MFSD12: variants seen among roughly 807,000 people sequenced by gnomAD.
MFSD12 encodes major facilitator superfamily domain containing 12, also known as major facilitator superfamily domain-containing protein 12.
A neutral mutation model predicts 51.2 loss-of-function variants in MFSD12; 67 were observed. The ratio of observed to expected loss-of-function variants is 1.31; its 90% confidence interval spans 1.08 to 1.60. The LOEUF is 1.60. Ranked by LOEUF, MFSD12 falls within the 40% of genes most tolerant of loss-of-function variation. MFSD12 has a pLI of 0.00. For missense variants in MFSD12, 921 were observed against 673.0 expected (o/e 1.37, Z -4.08); for synonymous variants, 441 against 316.7 (o/e 1.39, Z -4.17).
chr19:3,540,716 C>T (rs1017957443), downstream of MFSD12, among the ~76,000 whole-genome samples: 1 of 150,310 alleles, frequency 6.7e-6, no homozygotes, highest in Non-Finnish European at 1.5e-5. Context: ...CCCGTCTCTA[C>T]TAAAAATACA....
rs534389063 is a variant in MFSD12 at position 3,548,477 on chromosome 19, G to C, written c.510-210C>G. ...TAACGCGGGAAAGCTGTGACCTGCA[G>C]CTCCACCCTTCGTGCCCAGGACCAG... is the stretch of plus-strand genomic sequence containing the variant. On this transcript the variant is annotated intron_variant, in intron 2 of 9. Transcript: ENST00000355415. Among the ~76,000 whole-genome samples, 323 of 152,326 alleles carry C rather than the reference G, an allele frequency of 2.1e-3. 2 individuals are homozygous for C. The highest frequency in any genetic ancestry group is 1.5e-3 in the Non-Finnish European group (101 of 68,028).
rs1221201468 is a variant in MFSD12 at position 3,544,857 on chromosome 19, C to A, written c.1372G>T (p.Ala458Ser). 6.2e-7 allele frequency: 1 copy of A among 1,612,002 alleles called. No homozygotes were observed. The highest frequency in any genetic ancestry group is 1.7e-5 in the Admixed American group (1 of 59,966). ...AVTGGVGVAAALCLCSLLLWP... is the reference protein window; with the variant it reads ...AVTGGVGVAASLCLCSLLLWP... Reference sequence around the variant, plus strand: ...AGCAGGAGGCTACAGAGACACAGGGCAGCGGCCACGCCCACGCCGCCCGTC... The same window carrying A: ...AGCAGGAGGCTACAGAGACACAGGGAAGCGGCCACGCCCACGCCGCCCGTC... Residue 458 changes from alanine to serine, a missense_variant, in exon 9 of 10, where the codon GCC (alanine) becomes TCC (serine). Physicochemically the swap from Ala to Ser is moderately conservative, Grantham distance 99. Coordinates refer to ENST00000355415, the MANE Select transcript of MFSD12 (RefSeq NM_174983.5).
intron 6 of MFSD12, among the ~76,000 whole-genome samples, chr19:3,546,676 G>T (rs554287294): frequency 6.6e-6 from 1 of 152,260 alleles, no homozygotes. Flanking sequence ...CAGTTACAAC[G>T]AAAGCAAACG....
chr19:3,538,519 T>C (rs542868569), exon 5 of MFSD12: 15 of 368,794 alleles, frequency 4.1e-5, no homozygotes, highest in East Asian at 3.7e-4. Context: ...GGACATTTCA[T>C]AGAAGTGGGA....
At chr19:3,549,030 G>A (rs904646285) in intron 2 of MFSD12, among the ~76,000 whole-genome samples, 1 of 152,202 alleles carries the variant, frequency 6.6e-6, no homozygotes, top group African/African-American at 2.4e-5. Context: ...CTGGGGCCGA[G>A]TCCTCCTCTG....
In MFSD12 at chr19:3,544,491, T is replaced by A. The variant is rs1246383992; in HGVS notation, c.*219A>T. 6.5e-6 allele frequency: 9 copies of A among 1,382,632 alleles called. No homozygotes were observed. The highest frequency in any genetic ancestry group is 8.4e-6 in the Non-Finnish European group (9 of 1,070,590). 85.6% of individuals were successfully genotyped at this position (1,382,632 alleles called of 1,614,324 possible). ...TCCAGAGGGCTGGGATGGATTAGAGTTGAGAATGGGACACCCTCAAAACCC... is the reference window on the plus strand; with the variant it reads ...TCCAGAGGGCTGGGATGGATTAGAGATGAGAATGGGACACCCTCAAAACCC... On this transcript the variant is annotated 3_prime_UTR_variant, in exon 10 of 10. Coordinates refer to ENST00000355415, the MANE Select transcript of MFSD12 (RefSeq NM_174983.5).
chr19:3,545,970 G>T, intron 8 of MFSD12, 104 bp downstream of exon 8: 1 of 1,229,134 alleles, frequency 8.1e-7, no homozygotes, highest in Non-Finnish European at 1.2e-6. Context: ...GGTGTCTTTG[G>T]TCCACAGCTG....
At chr19:3,542,635 C>A, downstream of MFSD12, 1 of 1,047,552 alleles carries the variant, frequency 9.5e-7, no homozygotes, top group Non-Finnish European at 1.2e-6. Context: ...CGCCCCCACA[C>A]CATGCCTGGC....
chr19:3,550,901 G>A (rs2031433891), intron 2 of MFSD12, 83 bp downstream of exon 2: 2 of 1,176,768 alleles, frequency 1.7e-6, no homozygotes, highest in East Asian at 2.5e-5. Flanking sequence ...CCGAGTCTGT[G>A]GCCGCTCATT....
At chr19:3,552,464 C>T (rs1478859925) in intron 1 of MFSD12, among the ~76,000 whole-genome samples, 14 of 136,376 alleles carry the variant, frequency 1.0e-4, no homozygotes, top group South Asian at 2.4e-4. Context: ...CACCGCGCCC[C>T]GCCTTTTTTT....
chr19:3,543,574 G>T, downstream of MFSD12: 2 of 1,541,652 alleles, frequency 1.3e-6, no homozygotes. Flanking sequence ...AGCACCTGCG[G>T]GAGACCGCCT....
intron 1 of MFSD12, among the ~76,000 whole-genome samples, chr19:3,556,401 G>T (rs1304226474): frequency 6.6e-6 from 1 of 152,244 alleles, no homozygotes; most frequent in Admixed American, 6.5e-5. Flanking sequence ...TGAGGGCCCC[G>T]CAGGTCAGAC....
At chr19:3,549,261 C>T (rs1341011770) in intron 2 of MFSD12, among the ~76,000 whole-genome samples, 1 of 152,198 alleles carries the variant, frequency 6.6e-6, no homozygotes, top group African/African-American at 2.4e-5. Context: ...AAGGCAGCCC[C>T]AGAGAGGCCT....
At position 3,547,872 on chromosome 19, in the gene MFSD12, C is replaced by G; in HGVS notation, c.813G>C (p.Trp271Cys). 1 of 1,529,996 alleles carries G rather than the reference C, an allele frequency of 6.5e-7. No individual in the cohort carries two copies. The highest frequency in any genetic ancestry group is 8.7e-7 in the Non-Finnish European group (1 of 1,145,330). The allele number at this position is 1,529,996 out of a possible 1,614,324, so 94.8% of individuals were successfully genotyped here. A position where few individuals can be genotyped will look rare whatever the true frequency, so the allele number is the denominator to read the frequency against. Residue 271 changes from tryptophan (W) to cysteine (C), a missense_variant, in exon 4 of 10, where the codon TGG becomes TGC. Trp to Cys is a radical substitution (Grantham distance 215, BLOSUM62 -2). Coordinates refer to ENST00000355415, the MANE Select transcript of MFSD12 (RefSeq NM_174983.5). ...CCTGGTAGAAAGCCGGCTCCCGGAG[C>G]CAGTGCTTCCAGAGCAGCAGGGGCT... Reference protein sequence around the residue: ...TAQPLLLWKHWLREPAFYQVG... With the variant: ...TAQPLLLWKHCLREPAFYQVG...
At chr19:3,556,761 C>A (rs1459992278) in intron 1 of MFSD12, among the ~76,000 whole-genome samples, 3 of 151,144 alleles carry the variant, frequency 2.0e-5, no homozygotes, top group African/African-American at 7.3e-5. Flanking sequence ...ATGGGGCAGA[C>A]AAACAGGGGA....
chr19:3,551,196 T>C lies in MFSD12; in HGVS notation c.299-2A>G, dbSNP rs923454411. 5.6e-6 allele frequency: 9 copies of C among 1,598,532 alleles called. No individual in the cohort carries two copies. The African/African-American group carries it at 8.0e-5, about 14-fold the overall frequency. ...AGGACAGCAGGACGCAGACGGTGCC[T>C]GTGGAAGGCAGAGTGGTCAGTCGCG... On this transcript the variant is annotated splice_acceptor_variant, in intron 1 of 9. Transcript: ENST00000355415. LOFTEE classifies it high-confidence loss of function. This position sits in a 1 kb window ranked among gnomAD's most constrained non-coding sequence, Gnocchi z 4.6.
Position 3,546,072 on chromosome 19 carries a change from A to C in MFSD12, c.1289+2T>G, listed in dbSNP as rs2145187058. On this transcript the variant is annotated splice_donor_variant, in intron 8 of 9. Transcript: ENST00000355415. LOFTEE classifies it high-confidence loss of function. ...AATGAATGAACGAACAGCGGCACTC[A>C]CGGGCAAGGGTGCAGGCTCTGGATG... The C allele has an allele frequency of 1.2e-6, 2 of 1,613,166 alleles. No individual in the cohort carries two copies. Among genetic ancestry groups the C allele is most frequent in the Non-Finnish European group, 1.7e-6 (2 of 1,179,802 alleles).
At chr19:3,540,520 TG>T (rs1401965936), downstream of MFSD12, among the ~76,000 whole-genome samples, 1 of 151,192 alleles carries the variant, frequency 6.6e-6, no homozygotes, top group Admixed American at 6.6e-5. Context: ...CCTCCCAAAG[TG>T]CTGGGATTAC....
intron 1 of MFSD12, among the ~76,000 whole-genome samples, chr19:3,553,405 C>T (rs1171532561): frequency 3.4e-5 from 5 of 148,288 alleles, no homozygotes; most frequent in Non-Finnish European, 7.4e-5. Context: ...CCCAGGAGGT[C>T]GAGGCTGCAG....
Sources: gnomAD v4.1 joint callset for allele counts (sites outside exome capture counted in the v4.1 genomes callset) on GRCh38, gnomAD v4.1.1 for gene constraint, Gnocchi (gnomAD v3.1) non-coding constraint, MANE v1.5 for transcripts, NCBI Gene and HGNC (gene_info 2026-07-23, HGNC 2026-07-21) for gene names.